The following C11orf65 variants were observed in gnomAD, a reference collection of about 807,000 sequenced individuals.
C11orf65 encodes chromosome 11 open reading frame 65.
C11orf65 carries 38 observed loss-of-function variants against 35.3 expected under a neutral mutation model. The ratio of observed to expected loss-of-function variants is 1.08; its 90% CI spans 0.83 to 1.41. The LOEUF is 1.41. C11orf65 is among the 40% of genes most tolerant of loss of function. C11orf65 has a pLI of 0.00. For missense variants in C11orf65, 370 were observed against 367.1 expected, an observed-to-expected ratio of 1.01 and a Z score of -0.06; for synonymous variants, 105 against 114.4, an observed-to-expected ratio of 0.92 and a Z score of 0.53.
intron 6 of C11orf65, among the ~76,000 whole-genome samples, chr11:108,320,450 A>G (rs1172490453): frequency 2.0e-5 from 3 of 152,250 alleles, no homozygotes; most frequent in Non-Finnish European, 4.4e-5. Flanking sequence ...GGAAATAATT[A>G]TAATGGGGTA....
intron 2 of C11orf65, among the ~76,000 whole-genome samples, chr11:108,449,530 T>C (rs1449373491): frequency 1.3e-5 from 2 of 151,912 alleles, no homozygotes; most frequent in Admixed American, 6.5e-5. Context: ...AAACAAGCAA[T>C]GGGGAAAGGA....
At chr11:108,342,944 C>T (rs562315737) in intron 2 of C11orf65, among the ~76,000 whole-genome samples, 6 of 152,210 alleles carry the variant, frequency 3.9e-5, no homozygotes, top group East Asian at 1.9e-4. Context: ...TGACAGATGA[C>T]GGTGAGTATA....
rs1555117263 is a variant in C11orf65, at chr11:108,321,406, G to A, written c.641-12335C>T. ...CCATTGGAGAGCTGGAAAGCATTGG[G>A]GAGCTTTTCTCAAGGTATGTAATTC... On this transcript the variant is annotated intron_variant, in intron 6 of 6. Transcript: ENST00000525729. The A allele has an allele frequency of 6.2e-7, 1 of 1,613,980 alleles. No homozygotes were observed.
intron 6 of C11orf65, among the ~76,000 whole-genome samples, chr11:108,396,137 G>A (rs576347283): frequency 6.6e-6 from 1 of 152,182 alleles, no homozygotes; most frequent in East Asian, 1.9e-4. Flanking sequence ...CCGTTACCCA[G>A]GCTGGAGTGC....
In C11orf65 at chr11:108,403,593, C is replaced by T. The variant is rs144728540; in HGVS notation, c.560+1836G>A. 7.8e-4 allele frequency among the ~76,000 whole-genome samples: 119 copies of T among 152,046 alleles called. 1 individual carries two copies. Among genetic ancestry groups the T allele is most frequent in the African/African-American group, 2.6e-3 (107 of 41,510 alleles). ...AAAAAATCTTGGCCAGAACAAAAGG[C>T]ACTAAGATTTTCTCCTTCAATTACT... On this transcript the variant is annotated intron_variant, in intron 6 of 8. Transcript: ENST00000393084.
intron 6 of C11orf65, among the ~76,000 whole-genome samples, chr11:108,394,408 T>C (rs2092256067): frequency 6.6e-6 from 1 of 152,138 alleles, no homozygotes; most frequent in South Asian, 2.1e-4. Context: ...CAATTAATAA[T>C]TTTAAAAATT....
At chr11:108,362,106 AAAAC>A (rs1301303762) in intron 2 of C11orf65, among the ~76,000 whole-genome samples, 74 of 138,954 alleles carry the variant, frequency 5.3e-4, no homozygotes, top group African/African-American at 1.4e-3. Flanking sequence ...TTACAAGAAA[AAAAC>A]AAACAACCCC....
chr11:108,379,377 C>CA (rs1348810456), downstream of C11orf65, among the ~76,000 whole-genome samples: 1 of 148,554 alleles, frequency 6.7e-6, no homozygotes, highest in African/African-American at 2.5e-5. Flanking sequence ...TATCGCAGGA[C>CA]AAAAAACCAA....
intron 8 of C11orf65, among the ~76,000 whole-genome samples, chr11:108,384,081 T>C (rs139649090): frequency 3.4e-4 from 51 of 152,226 alleles, no homozygotes; most frequent in African/African-American, 1.2e-3. Flanking sequence ...AGGATAGTCT[T>C]GAACTCTTTG....
intron 2 of C11orf65, among the ~76,000 whole-genome samples, chr11:108,459,726 T>TACAC (rs60928526): frequency 0.035 from 4,886 of 138,566 alleles, 119 homozygotes; most frequent in African/African-American, 0.057. Flanking sequence ...GTCCTCCGTC[T>TACAC]ACACACACAC....
rs1186023171 is a variant in C11orf65, at chr11:108,431,818, G to A, written c.102C>T (p.His34=). Residue 34 remains histidine (H), a synonymous_variant, in exon 3 of 9, where the codon CAC becomes CAT. Transcript: ENST00000393084. ...TTCTTAAATCAATCAGACTTTTAAA[G>A]TGTTGAAATATAGCGACATTCTAAA... ...KSFLNVAIFQ[H]FKSLIDLRRQ... is the part of the protein sequence containing the mutation. 3 of 1,514,128 alleles carry A rather than the reference G, an allele frequency of 2.0e-6. No homozygotes were observed. The highest frequency in any genetic ancestry group is 3.6e-5 in the Admixed American group (2 of 55,432). 93.8% of individuals were successfully genotyped at this position (1,514,128 alleles called of 1,614,324 possible). A position where few individuals can be genotyped will look rare whatever the true frequency, so the allele number is the denominator to read the frequency against.
At chr11:108,453,119 G>GCA (rs35449256) in intron 2 of C11orf65, among the ~76,000 whole-genome samples, 147,091 of 147,826 alleles carry the variant, frequency 1, 73,190 homozygotes, top group Middle Eastern at 1. Flanking sequence ...TGCACGTTGT[G>GCA]CATGTACCCT....
chr11:108,387,846 T>C (rs1334593721), intron 7 of C11orf65, among the ~76,000 whole-genome samples: 1 of 152,210 alleles, frequency 6.6e-6, no homozygotes, highest in Non-Finnish European at 1.5e-5. Context: ...AGTATTTAAT[T>C]ACAATCAGAC....
chr11:108,316,648 G>A (rs958142840), intron 6 of C11orf65, among the ~76,000 whole-genome samples: 2 of 150,638 alleles, frequency 1.3e-5, no homozygotes, highest in African/African-American at 2.4e-5. Context: ...GGTGGCTTGC[G>A]CCTGTAATCC....
intron 2 of C11orf65, among the ~76,000 whole-genome samples, chr11:108,441,847 G>GA (rs1435573584): frequency 6.6e-6 from 1 of 152,166 alleles, no homozygotes; most frequent in Non-Finnish European, 1.5e-5. Context: ...CAAAGGTAGA[G>GA]AAAACCACAA....
In C11orf65 at chr11:108,403,924, T is replaced by A. The variant is rs141842151; in HGVS notation, c.560+1505A>T. 4.1e-3 allele frequency among the ~76,000 whole-genome samples: 625 copies of A among 152,298 alleles called. 3 individuals are homozygous for A. The highest frequency in any genetic ancestry group is 0.014 in the African/African-American group (582 of 41,564). On this transcript the variant is annotated intron_variant, in intron 6 of 8. Transcript: ENST00000393084. ...CTGACTGATTCCAAGGAATGAGTCA[T>A]CTTGCTCACCTGATTATTAAGATTC...
intron 2 of C11orf65, chr11:108,353,969 T>A: frequency 7.6e-7 from 1 of 1,316,140 alleles, no homozygotes; most frequent in Non-Finnish European, 1.1e-6. Flanking sequence ...TAATCCCAGC[T>A]GCTCAAGAGG....
At chr11:108,313,777 A>G (rs553864657) in intron 6 of C11orf65, among the ~76,000 whole-genome samples, 1 of 152,352 alleles carries the variant, frequency 6.6e-6, no homozygotes, top group African/African-American at 2.4e-5. Context: ...GCCAATATAA[A>G]TGAATTTGTG....
At chr11:108,316,883 G>A (rs1591785244) in intron 6 of C11orf65, among the ~76,000 whole-genome samples, 5 of 151,544 alleles carry the variant, frequency 3.3e-5, no homozygotes, top group East Asian at 3.9e-4. Flanking sequence ...CCGAGATCGC[G>A]CCACTGCACT....
Sources: gnomAD v4.1 joint callset for allele counts (sites outside exome capture counted in the v4.1 genomes callset) on GRCh38, gnomAD v4.1.1 for gene constraint, MANE v1.5 for transcripts, NCBI Gene and HGNC (gene_info 2026-07-23, HGNC 2026-07-21) for gene names.